GDA: variants seen among roughly 807,000 people sequenced by gnomAD.
GDA encodes the protein guanine deaminase.
Under a neutral mutation model 59.6 loss-of-function variants are expected in GDA, and 18 were observed. That is an observed-to-expected ratio of 0.30 (90% CI 0.21 to 0.45). GDA has a LOEUF of 0.45. Ranked by LOEUF, GDA falls within the 20% of genes least tolerant of loss-of-function variation. The pLI is 1.00. For synonymous variants in GDA, 201 were observed against 201.1 expected (o/e 1.00, Z 0.00); for missense variants, 427 against 552.3 (o/e 0.77, Z 2.27).
At chr9:72,220,619 A>T (rs192173910) in intron 6 of GDA, among the ~76,000 whole-genome samples, 404 of 151,990 alleles carry the variant, frequency 2.7e-3, no homozygotes, top group African/African-American at 9.1e-3. Context: ...CCCCTCTGGG[A>T]TCTTCTGATT....
In GDA at chr9:72,251,957, G is replaced by C. The variant is rs1291365578; in HGVS notation, c.*3615G>C. On this transcript the variant is annotated 3_prime_UTR_variant, in exon 14 of 14. Transcript: ENST00000358399. ...ACAGTCCACAGGGTTCAAATGACTT[G>C]GGTAACAGAAGTTATTCTTAGCTTA... 2.0e-5 allele frequency: 3 copies of C among 152,260 alleles called. No homozygotes were observed. The highest frequency in any genetic ancestry group is 4.4e-5 in the Non-Finnish European group (3 of 68,024). 9.4% of individuals were successfully genotyped at this position (152,260 alleles called of 1,614,324 possible).
chr9:72,246,011 T>C (rs964424013), intron 12 of GDA, among the ~76,000 whole-genome samples: 17 of 152,128 alleles, frequency 1.1e-4, no homozygotes, highest in Admixed American at 1.1e-3. Flanking sequence ...AAAAGAAAAA[T>C]TCTGTATTAT....
intron 1 of GDA, among the ~76,000 whole-genome samples, chr9:72,151,195 T>A (rs1316138061): frequency 6.6e-6 from 1 of 152,224 alleles, no homozygotes; most frequent in Non-Finnish European, 1.5e-5. Flanking sequence ...AATTAGTAGT[T>A]GAGTCAGGGA....
At chr9:72,214,030 A>G (rs1245505971) in intron 5 of GDA, 39 bp downstream of exon 5, 2 of 1,097,706 alleles carry the variant, frequency 1.8e-6, no homozygotes, top group Admixed American at 3.4e-5. Context: ...TTACAGGTGA[A>G]TTCCTGTGCT....
At chr9:72,177,092 C>CTTTTTT (rs58433062) in intron 1 of GDA, among the ~76,000 whole-genome samples, 13 of 67,808 alleles carry the variant, frequency 1.9e-4, no homozygotes, top group African/African-American at 2.2e-4. Flanking sequence ...TTATAAACTG[C>CTTTTTT]TTTTTTTTTT....
At chr9:72,149,148 T>C (rs1274948747), upstream of GDA, among the ~76,000 whole-genome samples, 3 of 152,194 alleles carry the variant, frequency 2.0e-5, no homozygotes, top group African/African-American at 7.2e-5. Flanking sequence ...ACCTGAGTGC[T>C]ACAGGTTGAA....
chr9:72,162,621 C>G (rs2130857883), intron 1 of GDA, among the ~76,000 whole-genome samples: 1 of 151,732 alleles, frequency 6.6e-6, no homozygotes, highest in East Asian at 1.9e-4. Context: ...CCATGGAAAG[C>G]CTACGAAGGG....
At chr9:72,163,295 T>C (rs968873897) in intron 1 of GDA, among the ~76,000 whole-genome samples, 1 of 152,114 alleles carries the variant, frequency 6.6e-6, no homozygotes, top group African/African-American at 2.4e-5. Context: ...GAAAACATTT[T>C]ATTTGGGAAG....
chr9:72,248,172 T>G (rs1270097394), intron 13 of GDA, 100 bp from the exon 14 acceptor site: 1 of 806,040 alleles, frequency 1.2e-6, no homozygotes, highest in African/African-American at 1.7e-5. Flanking sequence ...TAGTATTTCC[T>G]CTCCTAGAAG....
Position 72,149,667 on chromosome 9 carries a change from G to C in GDA, c.108G>C (p.Val36=). 1 of 1,601,432 alleles carries C rather than the reference G, an allele frequency of 6.2e-7. No individual in the cohort carries two copies. Among genetic ancestry groups the C allele is most frequent in the South Asian group, 1.1e-5 (1 of 90,186 alleles). Reference sequence around the variant, plus strand: ...TGCTGCGGGATCACCTCCTCGGCGTGAGCGACAGCGGCAAAGTAAGCAGGC... The same window carrying C: ...TGCTGCGGGATCACCTCCTCGGCGTCAGCGACAGCGGCAAAGTAAGCAGGC... ...MEVLRDHLLG[V]SDSGKIVFLE... is the part of the protein sequence containing the mutation. The change falls in exon 1 of 14, where the codon GTG becomes GTC. Residue 36 remains valine (V), a synonymous_variant. Coordinates refer to ENST00000358399, the MANE Select transcript of GDA (RefSeq NM_004293.5).
chr9:72,209,820 C>T (rs1015181447), intron 3 of GDA, among the ~76,000 whole-genome samples: 24 of 152,122 alleles, frequency 1.6e-4, no homozygotes, highest in Non-Finnish European at 3.2e-4. Context: ...CATTCATTTT[C>T]TCTAGAAAAT....
Position 72,245,279 on chromosome 9 carries a change from G to A in GDA, c.1266+1G>A. On this transcript the variant is annotated splice_donor_variant, in intron 12 of 13. Coordinates refer to ENST00000358399, the MANE Select transcript of GDA (RefSeq NM_004293.5). LOFTEE classifies it high-confidence loss of function. The stretch of plus-strand genomic sequence containing the variant: ...GGACTTTTTTGGTGATATTTCTGAG[G>A]TAAGTAAAAGAAAGTTAATCAAAAG... The A allele has an allele frequency of 1.2e-6, 2 of 1,605,436 alleles. No individual in the cohort carries two copies. The highest frequency in any genetic ancestry group is 1.7e-6 in the Non-Finnish European group (2 of 1,172,396).
At chr9:72,146,872 G>A (rs989408231), upstream of GDA, among the ~76,000 whole-genome samples, 1 of 152,148 alleles carries the variant, frequency 6.6e-6, no homozygotes, top group African/African-American at 2.4e-5. Context: ...CCTGGGCCCA[G>A]GTACCTACAA....
chr9:72,251,409 A>G lies in GDA; in HGVS notation c.*3067A>G, dbSNP rs924511782. 4 of 152,962 alleles carry G rather than the reference A, an allele frequency of 2.6e-5. No individual in the cohort carries two copies. Among genetic ancestry groups the G allele is most frequent in the Admixed American group, 2.6e-4 (4 of 15,364 alleles). The allele number at this position is 152,962 out of a possible 1,614,324, so 9.5% of individuals were successfully genotyped here. A position where few individuals can be genotyped will look rare whatever the true frequency, so the allele number is the denominator to read the frequency against. ...GCTTTAAAGGCAAGCTGGAAGGCAC[A>G]TTGTATCAATTCTACCTTGTGCTAT... On this transcript the variant is annotated 3_prime_UTR_variant, in exon 14 of 14. Coordinates refer to ENST00000358399, the MANE Select transcript of GDA (RefSeq NM_004293.5).
chr9:72,195,651 G>C (rs1833085696), intron 2 of GDA, 63 bp downstream of exon 2: 2 of 610,656 alleles, frequency 3.3e-6, no homozygotes, highest in Non-Finnish European at 5.8e-6. Context: ...TAGAAAACCT[G>C]CCTTGAGAGA....
chr9:72,259,466 TG>T (rs1840917782), downstream of GDA, among the ~76,000 whole-genome samples: 1 of 152,224 alleles, frequency 6.6e-6, no homozygotes, highest in Admixed American at 6.5e-5. Context: ...CAGGCTTTTT[TG>T]TGGTTAGTTG....
At chr9:72,174,427 T>C (rs903618128) in intron 1 of GDA, among the ~76,000 whole-genome samples, 1 of 152,244 alleles carries the variant, frequency 6.6e-6, no homozygotes, top group Non-Finnish European at 1.5e-5. Context: ...TCACAGCTTG[T>C]TCATAACTGC....
chr9:72,205,639 C>G (rs941501131), intron 3 of GDA, among the ~76,000 whole-genome samples: 9 of 152,166 alleles, frequency 5.9e-5, no homozygotes, highest in African/African-American at 1.7e-4. Context: ...CAAACTTGTT[C>G]TAATCACTTG....
chr9:72,184,369 C>T (rs1284206069), intron 1 of GDA, among the ~76,000 whole-genome samples: 1 of 152,146 alleles, frequency 6.6e-6, no homozygotes, highest in Non-Finnish European at 1.5e-5. Context: ...ATTCATCCTT[C>T]CCCCTCCAAC....
Sources: allele counts gnomAD v4.1 joint callset (sites outside exome capture counted in the v4.1 genomes callset), GRCh38; gene constraint gnomAD v4.1.1; transcripts MANE v1.5; gene names NCBI Gene and HGNC (gene_info 2026-07-23, HGNC 2026-07-21).